ADAMTS17: variants seen among roughly 807,000 people sequenced by gnomAD.
The protein encoded by ADAMTS17 is A disintegrin and metalloproteinase with thrombospondin motifs 17.
A neutral mutation model predicts 141.5 loss-of-function variants in ADAMTS17; 113 were observed. That is an observed-to-expected ratio of 0.80 (90% CI 0.69 to 0.93). ADAMTS17 has a LOEUF of 0.93. Among genes scored for constraint, ADAMTS17 ranks in the 40% least tolerant of loss-of-function variants. The probability of loss-of-function intolerance (pLI) is 0.00; values close to 1 mark genes in which losing one functional copy is unlikely to be tolerated. For missense variants in ADAMTS17, 1,659 were observed against 1,517.9 expected, an observed-to-expected ratio of 1.09 and a Z score of -1.54; for synonymous variants, 768 against 630.6, an observed-to-expected ratio of 1.22 and a Z score of -3.27.
At chr15:100,266,411 C>T (rs76595805) in intron 4 of ADAMTS17, among the ~76,000 whole-genome samples, 1 of 152,184 alleles carries the variant, frequency 6.6e-6, no homozygotes, top group African/African-American at 2.4e-5. Context: ...CACAGGTGAG[C>T]GGTTTGCCAG....
chr15:100,123,615 C>T (rs1016208643), intron 12 of ADAMTS17, among the ~76,000 whole-genome samples: 7 of 152,250 alleles, frequency 4.6e-5, no homozygotes, highest in Non-Finnish European at 8.8e-5. Flanking sequence ...ACAGCCGACA[C>T]GCCCAGAGGG....
chr15:99,976,462 C>G, intron 20 of ADAMTS17: 1 of 619,932 alleles, frequency 1.6e-6, no homozygotes, highest in Non-Finnish European at 2.9e-6. Flanking sequence ...GGGCTGGGCA[C>G]TGTGTGTCAT....
chr15:100,159,779 A>G (rs1310285307), intron 8 of ADAMTS17, among the ~76,000 whole-genome samples: 1 of 152,246 alleles, frequency 6.6e-6, no homozygotes, highest in Non-Finnish European at 1.5e-5. Context: ...GTCACAGACT[A>G]GAGTCTCTAC....
chr15:100,060,602 C>T (rs2033041897), intron 15 of ADAMTS17, among the ~76,000 whole-genome samples: 1 of 152,206 alleles, frequency 6.6e-6, no homozygotes, highest in Non-Finnish European at 1.5e-5. Flanking sequence ...GAGTGGGGTT[C>T]TTTTAGTCTC....
At chr15:100,004,605 G>C (rs1340614787) in intron 18 of ADAMTS17, among the ~76,000 whole-genome samples, 3 of 149,068 alleles carry the variant, frequency 2.0e-5, no homozygotes, top group Non-Finnish European at 3.0e-5. Context: ...TTAAAAGCAT[G>C]ATACTGTAAT....
At chr15:100,015,012 A>G (rs537184728) in intron 18 of ADAMTS17, among the ~76,000 whole-genome samples, 2 of 152,254 alleles carry the variant, frequency 1.3e-5, no homozygotes, top group South Asian at 4.1e-4. Flanking sequence ...TCTTAGGTCT[A>G]TTAGTAATTG....
intron 10 of ADAMTS17, among the ~76,000 whole-genome samples, chr15:100,138,697 A>G (rs1423066112): frequency 6.6e-6 from 1 of 152,214 alleles, no homozygotes; most frequent in Non-Finnish European, 1.5e-5. Context: ...GAGAATAGAA[A>G]GAGTTGGGCA....
At chr15:100,044,971 C>A (rs138353998) in intron 18 of ADAMTS17, among the ~76,000 whole-genome samples, 11,433 of 152,052 alleles carry the variant, frequency 0.075, 1,398 homozygotes, top group African/African-American at 0.25. Context: ...CCATGCCTGG[C>A]TAATTTTTGT....
chr15:100,210,932 T>A (rs1468108621), intron 7 of ADAMTS17, among the ~76,000 whole-genome samples: 2 of 151,908 alleles, frequency 1.3e-5, no homozygotes, highest in African/African-American at 4.8e-5. Context: ...AAACCTCGAC[T>A]CTACTAAAAA....
chr15:100,158,185 G>T (rs922960986), intron 8 of ADAMTS17, among the ~76,000 whole-genome samples: 2 of 152,066 alleles, frequency 1.3e-5, no homozygotes, highest in Non-Finnish European at 2.9e-5. Flanking sequence ...CTGCTTAATG[G>T]TCACTTTGTT....
chr15:100,177,983 G>A (rs1222508065), intron 8 of ADAMTS17, among the ~76,000 whole-genome samples: 1 of 150,296 alleles, frequency 6.7e-6, no homozygotes, highest in African/African-American at 2.5e-5. Flanking sequence ...AGCGATTCCT[G>A]TTTTTTTCCC....
At chr15:100,190,362 C>A (rs762929022) in intron 8 of ADAMTS17, among the ~76,000 whole-genome samples, 1 of 152,352 alleles carries the variant, frequency 6.6e-6, no homozygotes, top group East Asian at 1.9e-4. Context: ...ACCACCTTCG[C>A]ACAAAGTGAG....
intron 12 of ADAMTS17, among the ~76,000 whole-genome samples, chr15:100,117,455 T>C (rs1219594263): frequency 1.3e-5 from 2 of 152,068 alleles, no homozygotes; most frequent in Non-Finnish European, 2.9e-5. Context: ...GATGAGTAAA[T>C]ACATAGCTCA....
intron 10 of ADAMTS17, among the ~76,000 whole-genome samples, chr15:100,145,876 T>C (rs1400554573): frequency 1.3e-5 from 2 of 152,236 alleles, no homozygotes; most frequent in African/African-American, 2.4e-5. Flanking sequence ...TCTGCCTTTA[T>C]GTAAGATTAT....
intron 20 of ADAMTS17, among the ~76,000 whole-genome samples, chr15:99,990,998 T>C (rs2060679666): frequency 6.6e-6 from 1 of 152,144 alleles, no homozygotes; most frequent in East Asian, 1.9e-4. Context: ...ACCCTTTCCT[T>C]ACACCTTGTA....
chr15:100,146,666 G>C (rs999692298), intron 10 of ADAMTS17, among the ~76,000 whole-genome samples: 3 of 60,138 alleles, frequency 5.0e-5, no homozygotes, highest in Non-Finnish European at 1.3e-4. Flanking sequence ...TGAGCCAGGC[G>C]GAACAGAGCC....
intron 7 of ADAMTS17, among the ~76,000 whole-genome samples, chr15:100,249,886 T>A (rs1467224296): frequency 6.6e-6 from 1 of 152,116 alleles, no homozygotes; most frequent in African/African-American, 2.4e-5. Context: ...CAGGTTACCC[T>A]GGGGGGACTA....
Position 99,973,148 on chromosome 15 carries a change from G to A in ADAMTS17, c.*1254C>T, listed in dbSNP as rs1360762127. On this transcript the variant is annotated 3_prime_UTR_variant, in exon 22 of 22. Transcript: ENST00000268070. ...CTGCTTGTCTGCTGCCAGGCGTAAG[G>A]GGGCTGCAGGGGGGAAGGACCTTCC... 8.8e-6 allele frequency: 1 copy of A among 114,004 alleles called. No homozygotes were observed. Among genetic ancestry groups the A allele is most frequent in the Non-Finnish European group, 1.9e-5 (1 of 51,790 alleles). The allele number at this position is 114,004 out of a possible 1,614,324, so 7.1% of individuals were successfully genotyped here.
intron 15 of ADAMTS17, among the ~76,000 whole-genome samples, chr15:100,060,449 A>G (rs1198261787): frequency 6.6e-6 from 1 of 152,206 alleles, no homozygotes; most frequent in Non-Finnish European, 1.5e-5. Context: ...GCACTGTGGG[A>G]AAGACCATGA....
Sources: gnomAD v4.1 joint callset for allele counts (sites outside exome capture counted in the v4.1 genomes callset) on GRCh38, gnomAD v4.1.1 for gene constraint, MANE v1.5 for transcripts, NCBI Gene and HGNC (gene_info 2026-07-23, HGNC 2026-07-21) for gene names.